The following NKAIN3 variants were observed in gnomAD, a reference collection of about 807,000 sequenced individuals.
The protein encoded by NKAIN3 is sodium/potassium transporting ATPase interacting 3, also known as sodium/potassium-transporting ATPase subunit beta-1-interacting protein 3.
In NKAIN3, 25 loss-of-function variants were observed where a neutral mutation model predicts 30.2. The ratio of observed to expected loss-of-function variants is 0.83; its 90% CI spans 0.60 to 1.16. The LOEUF (loss-of-function observed/expected upper bound fraction) is 1.16, where lower values mean the gene tolerates loss of function less well. Ranked by LOEUF, NKAIN3 falls within the 50% of genes most tolerant of loss-of-function variation. The probability of loss-of-function intolerance (pLI) is 0.00; values close to 1 mark genes in which losing one functional copy is unlikely to be tolerated. For synonymous variants in NKAIN3, 91 were observed against 89.6 expected, an observed-to-expected ratio of 1.02 and a Z score of -0.09; for missense variants, 225 against 254.1, an observed-to-expected ratio of 0.89 and a Z score of 0.78.
chr8:62,534,483 A>G (rs1315441688), intron 1 of NKAIN3, among the ~76,000 whole-genome samples: 2 of 152,176 alleles, frequency 1.3e-5, no homozygotes, highest in East Asian at 3.9e-4. Context: ...ACATCATTAA[A>G]TGTATTTTTT....
chr8:62,950,329 G>A (rs1385875888), intron 5 of NKAIN3, among the ~76,000 whole-genome samples: 1 of 152,126 alleles, frequency 6.6e-6, no homozygotes, highest in African/African-American at 2.4e-5. Context: ...ATGCATGCAT[G>A]ACAAACTGTT....
At chr8:62,850,748 C>G (rs1819868322) in intron 4 of NKAIN3, among the ~76,000 whole-genome samples, 2 of 152,006 alleles carry the variant, frequency 1.3e-5, no homozygotes, top group Admixed American at 1.3e-4. Flanking sequence ...TCAGGTTTGT[C>G]AAAGATCAAA....
intron 3 of NKAIN3, among the ~76,000 whole-genome samples, chr8:62,604,407 T>C (rs1811065582): frequency 6.6e-6 from 1 of 152,140 alleles, no homozygotes; most frequent in South Asian, 2.1e-4. Flanking sequence ...ATTGTCGGTG[T>C]GCTTGCATGT....
intron 1 of NKAIN3, among the ~76,000 whole-genome samples, chr8:62,526,759 C>G (rs1187680562): frequency 6.6e-6 from 1 of 152,136 alleles, no homozygotes; most frequent in African/African-American, 2.4e-5. Flanking sequence ...CCTACGGATA[C>G]TTGGTTAGTA....
intron 1 of NKAIN3, among the ~76,000 whole-genome samples, chr8:62,459,644 G>A (rs1402740560): frequency 6.6e-6 from 1 of 152,128 alleles, no homozygotes; most frequent in African/African-American, 2.4e-5. Flanking sequence ...TGTTACTTTA[G>A]TAAGGTCAAG....
At chr8:62,409,364 A>G (rs1308694419) in intron 1 of NKAIN3, among the ~76,000 whole-genome samples, 1 of 152,034 alleles carries the variant, frequency 6.6e-6, no homozygotes, top group Non-Finnish European at 1.5e-5. Context: ...TTGTATTTTT[A>G]GTAGAGATGG....
intron 3 of NKAIN3, among the ~76,000 whole-genome samples, chr8:62,683,492 T>C (rs930619494): frequency 6.6e-6 from 1 of 151,940 alleles, no homozygotes; most frequent in Non-Finnish European, 1.5e-5. Context: ...GTGCAAGGAG[T>C]AGCTAGTTTA....
chr8:62,844,407 T>C (rs1819615377), intron 4 of NKAIN3, among the ~76,000 whole-genome samples: 2 of 152,132 alleles, frequency 1.3e-5, no homozygotes, highest in South Asian at 2.1e-4. Flanking sequence ...CCACATATGG[T>C]AGGGATTTCA....
At chr8:62,645,723 T>C (rs1812440284) in intron 3 of NKAIN3, among the ~76,000 whole-genome samples, 2 of 152,138 alleles carry the variant, frequency 1.3e-5, no homozygotes, top group African/African-American at 4.8e-5. Context: ...GCACCAACTT[T>C]GTTTTGGGCA....
chr8:62,380,574 C>G (rs550498295), intron 1 of NKAIN3, among the ~76,000 whole-genome samples: 2 of 152,268 alleles, frequency 1.3e-5, no homozygotes, highest in South Asian at 4.1e-4. Flanking sequence ...GCAGAAATGA[C>G]AGTAAACAAG....
intron 4 of NKAIN3, among the ~76,000 whole-genome samples, chr8:62,872,810 A>G (rs1037256875): frequency 6.6e-6 from 1 of 152,182 alleles, no homozygotes; most frequent in Non-Finnish European, 1.5e-5. Context: ...ACAGACAAGC[A>G]AATGCTGAGG....
intron 4 of NKAIN3, among the ~76,000 whole-genome samples, chr8:62,748,246 C>A (rs185467205): frequency 6.3e-4 from 96 of 152,158 alleles, no homozygotes; most frequent in African/African-American, 2.2e-3. Context: ...CAATCTTGAG[C>A]TTTGCTGGGA....
At chr8:62,901,290 T>C (rs764570206) in intron 4 of NKAIN3, among the ~76,000 whole-genome samples, 8 of 152,020 alleles carry the variant, frequency 5.3e-5, no homozygotes, top group African/African-American at 1.9e-4. Flanking sequence ...CACTCAAAGG[T>C]CTATCAGTAA....
chr8:62,365,138 G>A (rs1168345573), intron 1 of NKAIN3, among the ~76,000 whole-genome samples: 1 of 151,838 alleles, frequency 6.6e-6, no homozygotes, highest in African/African-American at 2.4e-5. Flanking sequence ...TTTTAATATT[G>A]GGAAGTTAGC....
intron 3 of NKAIN3, among the ~76,000 whole-genome samples, chr8:62,727,985 T>G (rs753729412): frequency 1.6e-4 from 24 of 152,326 alleles, no homozygotes; most frequent in South Asian, 4.1e-4. Context: ...TTTGCAAAAA[T>G]ATAAGTTTTG....
intron 5 of NKAIN3, among the ~76,000 whole-genome samples, chr8:62,997,098 AGAGGTTCTCCCT>A (rs1804134810): frequency 6.6e-6 from 1 of 152,204 alleles, no homozygotes; most frequent in Non-Finnish European, 1.5e-5. Flanking sequence ...CTGCCTTAGC[AGAGGTTCTCCCT>A]GAGGCTGTCT....
At chr8:62,513,957 C>T (rs1382759278) in intron 1 of NKAIN3, among the ~76,000 whole-genome samples, 3 of 150,176 alleles carry the variant, frequency 2.0e-5, no homozygotes, top group Non-Finnish European at 4.4e-5. Flanking sequence ...TGAAAGAAGG[C>T]CAGTTGAGTT....
intron 1 of NKAIN3, among the ~76,000 whole-genome samples, chr8:62,447,410 A>G (rs1285018948): frequency 4.6e-5 from 7 of 152,004 alleles, no homozygotes; most frequent in Admixed American, 4.6e-4. Context: ...TAAGTTAACC[A>G]TTTAATACTG....
chr8:62,460,771 A>G (rs997815561), intron 1 of NKAIN3, among the ~76,000 whole-genome samples: 1 of 152,184 alleles, frequency 6.6e-6, no homozygotes, highest in Non-Finnish European at 1.5e-5. Context: ...TGTACTTGAC[A>G]TTACTCAGAG....
Sources: allele counts gnomAD v4.1 joint callset (sites outside exome capture counted in the v4.1 genomes callset), GRCh38; gene constraint gnomAD v4.1.1; transcripts MANE v1.5; gene names NCBI Gene and HGNC (gene_info 2026-07-23, HGNC 2026-07-21).